ERBB4: variants seen among roughly 807,000 people sequenced by gnomAD.
The protein encoded by ERBB4 is receptor tyrosine-protein kinase erbB-4.
In ERBB4, 42 loss-of-function variants were observed where a neutral mutation model predicts 158.0. The observed-to-expected ratio is 0.27, with a 90% CI of 0.21 to 0.34. ERBB4 has a LOEUF of 0.34. Among genes scored for constraint, ERBB4 ranks in the 10% least tolerant of loss-of-function variants. The probability of loss-of-function intolerance (pLI) is 1.00; values close to 1 mark genes in which losing one functional copy is unlikely to be tolerated. For synonymous variants in ERBB4, 583 were observed against 558.7 expected, an observed-to-expected ratio of 1.04 and a Z score of -0.61; for missense variants, 1,333 against 1,624.1, an observed-to-expected ratio of 0.82 and a Z score of 3.08.
At chr2:211,713,725 A>G (rs1205768212) in intron 7 of ERBB4, 77 bp from the exon 8 acceptor site, 1 of 871,192 alleles carries the variant, frequency 1.1e-6, no homozygotes, top group African/African-American at 1.7e-5. Flanking sequence ...AAGATATTTT[A>G]GGGTTTAAAA....
chr2:212,104,177 TATA>T (rs2079160350), intron 2 of ERBB4, among the ~76,000 whole-genome samples: 1 of 152,076 alleles, frequency 6.6e-6, no homozygotes, highest in African/African-American at 2.4e-5. Context: ...TATTGTATCA[TATA>T]ATAATAATTT....
intron 2 of ERBB4, among the ~76,000 whole-genome samples, chr2:212,057,006 T>C (rs1009538070): frequency 2.6e-5 from 4 of 152,188 alleles, no homozygotes; most frequent in South Asian, 2.1e-4. Context: ...GAGTCAAGAC[T>C]CATCAGTGTG....
intron 3 of ERBB4, among the ~76,000 whole-genome samples, chr2:211,861,107 A>G (rs866143116): frequency 0.078 from 3,306 of 42,636 alleles, 524 homozygotes; most frequent in Non-Finnish European, 0.11. Context: ...TACATTATAT[A>G]TATTTATATA....
At chr2:211,821,281 T>G (rs546501392) in intron 3 of ERBB4, among the ~76,000 whole-genome samples, 2 of 151,132 alleles carry the variant, frequency 1.3e-5, no homozygotes, top group South Asian at 4.2e-4. Flanking sequence ...ACTAGAAAAA[T>G]AAAATAAAAT....
At chr2:212,324,966 A>G (rs1196475860) in intron 1 of ERBB4, among the ~76,000 whole-genome samples, 1 of 150,450 alleles carries the variant, frequency 6.6e-6, no homozygotes, top group Admixed American at 6.6e-5. Context: ...AACACTGATC[A>G]CACCCATATA....
chr2:211,568,076 G>T (rs765631877), intron 19 of ERBB4, among the ~76,000 whole-genome samples: 1 of 151,816 alleles, frequency 6.6e-6, no homozygotes, highest in Non-Finnish European at 1.5e-5. Context: ...CAACCTGACA[G>T]GGACATTATC....
intron 13 of ERBB4, 107 bp from the exon 14 acceptor site, chr2:211,673,364 T>C: frequency 2.6e-6 from 2 of 782,104 alleles, no homozygotes; most frequent in Non-Finnish European, 4.5e-6. Context: ...TTCTAAAGTT[T>C]GTTTCTCTAT....
At chr2:212,529,188 T>C (rs1342919627) in intron 1 of ERBB4, among the ~76,000 whole-genome samples, 1 of 152,162 alleles carries the variant, frequency 6.6e-6, no homozygotes, top group Non-Finnish European at 1.5e-5. Context: ...AAATACACAC[T>C]GGTGGATCAG....
chr2:212,520,835 C>T (rs1464061576), intron 1 of ERBB4, among the ~76,000 whole-genome samples: 1 of 151,976 alleles, frequency 6.6e-6, no homozygotes. Context: ...TAAGCATGTA[C>T]GGTTTTGTGG....
At chr2:212,188,708 T>C (rs1405998929) in intron 1 of ERBB4, among the ~76,000 whole-genome samples, 2 of 152,060 alleles carry the variant, frequency 1.3e-5, no homozygotes, top group African/African-American at 4.8e-5. Flanking sequence ...CTCTTCCTAC[T>C]AGATCCTTCA....
At chr2:212,000,449 A>G (rs542665320) in intron 2 of ERBB4, among the ~76,000 whole-genome samples, 1 of 152,034 alleles carries the variant, frequency 6.6e-6, no homozygotes, top group East Asian at 1.9e-4. Flanking sequence ...TGGTGGTGAA[A>G]ACAATGTAAG....
At chr2:211,420,289 T>C (rs2063487319) in intron 25 of ERBB4, 152 bp downstream of exon 25, 2 of 634,242 alleles carry the variant, frequency 3.2e-6, no homozygotes, top group South Asian at 3.9e-5. Flanking sequence ...TATAGCAAGA[T>C]TGGCACATCT....
chr2:212,152,449 C>T (rs1054823103), intron 1 of ERBB4, among the ~76,000 whole-genome samples: 3 of 151,994 alleles, frequency 2.0e-5, no homozygotes, highest in Non-Finnish European at 2.9e-5. Context: ...TTTGTTGACT[C>T]TCCTCATCTT....
At chr2:212,347,046 TAA>T (rs1470861069) in intron 1 of ERBB4, among the ~76,000 whole-genome samples, 6 of 152,116 alleles carry the variant, frequency 3.9e-5, no homozygotes, top group Non-Finnish European at 5.9e-5. Flanking sequence ...CTGCCTTATC[TAA>T]AAGAGTCATA....
chr2:211,407,895 C>A (rs543296029), intron 25 of ERBB4, among the ~76,000 whole-genome samples: 24 of 152,158 alleles, frequency 1.6e-4, no homozygotes, highest in Admixed American at 6.6e-4. Flanking sequence ...AGCCGGCCCA[C>A]CCCCTACTAT....
At chr2:212,001,990 C>T (rs1246581871) in intron 2 of ERBB4, among the ~76,000 whole-genome samples, 17 of 152,046 alleles carry the variant, frequency 1.1e-4, no homozygotes, top group Non-Finnish European at 1.6e-4. Context: ...ATAATTTTGG[C>T]GTACATTTAT....
intron 3 of ERBB4, among the ~76,000 whole-genome samples, chr2:211,808,242 G>A (rs577156301): frequency 6.6e-6 from 1 of 152,210 alleles, no homozygotes; most frequent in African/African-American, 2.4e-5. Context: ...TTTTCTCCTA[G>A]GGTTTTCATG....
intron 2 of ERBB4, among the ~76,000 whole-genome samples, chr2:211,984,306 G>A (rs772480176): frequency 6.6e-6 from 1 of 152,036 alleles, no homozygotes; most frequent in Non-Finnish European, 1.5e-5. Context: ...CCAGGAATTA[G>A]GTTCTAATGT....
intron 2 of ERBB4, among the ~76,000 whole-genome samples, chr2:212,036,491 G>T (rs192058572): frequency 2.0e-5 from 3 of 149,914 alleles, no homozygotes; most frequent in African/African-American, 7.4e-5. Flanking sequence ...TTTAGATGGA[G>T]CCTTGCTCTG....
Sources: gnomAD v4.1 joint callset for allele counts (sites outside exome capture counted in the v4.1 genomes callset) on GRCh38, gnomAD v4.1.1 for gene constraint, MANE v1.5 for transcripts, NCBI Gene and HGNC (gene_info 2026-07-23, HGNC 2026-07-21) for gene names.